The following CLSTN2 variants were observed in gnomAD, a reference collection of about 807,000 sequenced individuals.
CLSTN2 encodes the protein calsyntenin-2.
A neutral mutation model predicts 101.2 loss-of-function variants in CLSTN2; 48 were observed. The observed-to-expected ratio is 0.47, with a 90% CI of 0.38 to 0.60. The LOEUF (loss-of-function observed/expected upper bound fraction) is 0.60, where lower values mean the gene tolerates loss of function less well. Ranked by LOEUF, CLSTN2 falls within the 20% of genes least tolerant of loss-of-function variation. The pLI is 0.00. For synonymous variants in CLSTN2, 481 were observed against 463.6 expected (o/e 1.04, Z -0.48); for missense variants, 1,160 against 1,238.2 (o/e 0.94, Z 0.95).
chr3:140,319,166 A>C (rs1188251186), intron 2 of CLSTN2, among the ~76,000 whole-genome samples: 1 of 152,200 alleles, frequency 6.6e-6, no homozygotes, highest in African/African-American at 2.4e-5. Context: ...GTGTAAGAGT[A>C]ATTCTAACTT....
chr3:140,263,746 G>A (rs1439162349), intron 2 of CLSTN2, among the ~76,000 whole-genome samples: 1 of 151,876 alleles, frequency 6.6e-6, no homozygotes, highest in African/African-American at 2.4e-5. Flanking sequence ...TATAAAATTG[G>A]GTCCTTATTA....
At chr3:140,129,361 G>C (rs963217742) in intron 1 of CLSTN2, among the ~76,000 whole-genome samples, 1 of 152,088 alleles carries the variant, frequency 6.6e-6, no homozygotes, top group African/African-American at 2.4e-5. Context: ...AAAATTACTA[G>C]CAAGGACTCT....
At chr3:140,001,417 G>A (rs892824228) in intron 1 of CLSTN2, among the ~76,000 whole-genome samples, 1 of 151,360 alleles carries the variant, frequency 6.6e-6, no homozygotes, top group Non-Finnish European at 1.5e-5. Context: ...TTTTTTGTAA[G>A]TTCTAGTTTC....
chr3:140,394,890 A>T (rs1355005128), intron 2 of CLSTN2, among the ~76,000 whole-genome samples: 1 of 152,186 alleles, frequency 6.6e-6, no homozygotes, highest in Non-Finnish European at 1.5e-5. Flanking sequence ...TGAGTACAGT[A>T]GGTTTTTGTA....
intron 1 of CLSTN2, among the ~76,000 whole-genome samples, chr3:139,997,812 A>AT (rs1481095464): frequency 2.0e-5 from 3 of 152,162 alleles, no homozygotes; most frequent in Non-Finnish European, 4.4e-5. Context: ...TTGAAAAAAA[A>AT]TTTTTTTTGA....
At chr3:140,271,728 C>T (rs1008827062) in intron 2 of CLSTN2, among the ~76,000 whole-genome samples, 8 of 152,158 alleles carry the variant, frequency 5.3e-5, no homozygotes, top group Non-Finnish European at 1.0e-4. Context: ...TTTAGAGGGA[C>T]AGAAACATTC....
At chr3:140,549,599 A>G (rs470156) in intron 10 of CLSTN2, among the ~76,000 whole-genome samples, 648 of 146,080 alleles carry the variant, frequency 4.4e-3, no homozygotes, top group African/African-American at 0.014. Context: ...TTCAAAACTA[A>G]GGGGACTGGG....
At chr3:140,102,336 C>T (rs1001698628) in intron 1 of CLSTN2, among the ~76,000 whole-genome samples, 6 of 152,192 alleles carry the variant, frequency 3.9e-5, no homozygotes, top group African/African-American at 1.4e-4. Context: ...CTAGAACCAA[C>T]AGTCCATGAT....
In CLSTN2 at chr3:140,421,287, T is replaced by C; in HGVS notation, c.787+13T>C. The stretch of plus-strand genomic sequence containing the variant: ...CCTGGCTGGCAAGGTGGGCCTGTTT[T>C]ATCAGTCTTGTGTGAAGGCAGCATG... On this transcript the variant is annotated intron_variant, in intron 5 of 16. Coordinates refer to ENST00000458420, the MANE Select transcript of CLSTN2 (RefSeq NM_022131.3). The C allele has an allele frequency of 6.2e-7, 1 of 1,613,960 alleles. No homozygotes were observed. Among genetic ancestry groups the C allele is most frequent in the Non-Finnish European group, 8.5e-7 (1 of 1,179,970 alleles).
intron 4 of CLSTN2, among the ~76,000 whole-genome samples, chr3:140,415,772 A>G (rs1005510910): frequency 6.6e-6 from 1 of 152,200 alleles, no homozygotes; most frequent in Non-Finnish European, 1.5e-5. Flanking sequence ...TGGTACAGCT[A>G]TTACGGAAAA....
chr3:140,020,078 T>A (rs1360723864), intron 1 of CLSTN2, among the ~76,000 whole-genome samples: 1 of 152,130 alleles, frequency 6.6e-6, no homozygotes, highest in African/African-American at 2.4e-5. Flanking sequence ...GGGGAGTATG[T>A]GGAGCTCATC....
chr3:140,441,661 A>C (rs1433652141), intron 5 of CLSTN2, among the ~76,000 whole-genome samples: 1 of 152,158 alleles, frequency 6.6e-6, no homozygotes, highest in East Asian at 1.9e-4. Context: ...CCTTGGCCCT[A>C]CCCACCGTTG....
intron 2 of CLSTN2, among the ~76,000 whole-genome samples, chr3:140,344,245 A>G (rs563473614): frequency 5.1e-4 from 77 of 152,274 alleles, no homozygotes; most frequent in African/African-American, 1.8e-3. Flanking sequence ...TCTGCTCTAC[A>G]CACAGCTCAT....
chr3:140,545,641 G>A (rs942929623), intron 9 of CLSTN2, among the ~76,000 whole-genome samples: 13 of 152,326 alleles, frequency 8.5e-5, no homozygotes, highest in South Asian at 8.3e-4. Flanking sequence ...TAGGGAAGGC[G>A]AGGCTTCAAA....
At chr3:140,188,984 T>G (rs374130910) in intron 2 of CLSTN2, among the ~76,000 whole-genome samples, 1 of 152,194 alleles carries the variant, frequency 6.6e-6, no homozygotes, top group Admixed American at 6.5e-5. Flanking sequence ...ATTCAGTAAT[T>G]TAGTCCTTTT....
At chr3:140,271,919 T>G (rs1053773284) in intron 2 of CLSTN2, among the ~76,000 whole-genome samples, 6 of 152,258 alleles carry the variant, frequency 3.9e-5, no homozygotes, top group Admixed American at 3.3e-4. Flanking sequence ...CGATGAACAC[T>G]GAGCTTCTAT....
chr3:140,139,344 C>T lies in CLSTN2; in HGVS notation c.110-36607C>T, dbSNP rs78501392. Among the ~76,000 whole-genome samples the T allele has an allele frequency of 6.3e-3, 955 of 152,302 alleles. 4 individuals carry two copies. The highest frequency in any genetic ancestry group is 0.02 in the African/African-American group (827 of 41,572). Reference sequence around the variant, plus strand: ...CTTTCTCTGAAGGTTTTGATGAAGTCTAAGTGACTGAGCTAATGAGCCAGC... The same window carrying T: ...CTTTCTCTGAAGGTTTTGATGAAGTTTAAGTGACTGAGCTAATGAGCCAGC... On this transcript the variant is annotated intron_variant, in intron 1 of 16. Transcript: ENST00000458420.
intron 1 of CLSTN2, among the ~76,000 whole-genome samples, chr3:140,103,121 C>T (rs999764677): frequency 1.2e-4 from 19 of 152,282 alleles, no homozygotes; most frequent in Admixed American, 4.6e-4. Context: ...TCAGACTGAC[C>T]TCAGATTTCT....
intron 2 of CLSTN2, among the ~76,000 whole-genome samples, chr3:140,304,843 G>C (rs1308027766): frequency 1.3e-5 from 2 of 152,034 alleles, no homozygotes; most frequent in East Asian, 3.9e-4. Context: ...GTGTCATCTT[G>C]GGTAAAATGC....
Sources: gnomAD v4.1 joint callset for allele counts (sites outside exome capture counted in the v4.1 genomes callset) on GRCh38, gnomAD v4.1.1 for gene constraint, MANE v1.5 for transcripts, NCBI Gene and HGNC (gene_info 2026-07-23, HGNC 2026-07-21) for gene names.